The following NMUR2 variants were observed in gnomAD, a reference collection of about 807,000 sequenced individuals.
NMUR2 encodes neuromedin-U receptor 2.
NMUR2 carries 24 observed loss-of-function variants against 25.1 expected under a neutral mutation model. The ratio of observed to expected loss-of-function variants is 0.96; its 90% CI spans 0.69 to 1.34. The LOEUF (loss-of-function observed/expected upper bound fraction) is 1.34. Among genes scored for constraint, NMUR2 ranks in the 40% most tolerant of loss-of-function variants. The probability of loss-of-function intolerance (pLI) is 0.00; values close to 1 mark genes in which losing one functional copy is unlikely to be tolerated. For synonymous variants in NMUR2, 218 were observed against 208.1 expected (o/e 1.05, Z -0.41); for missense variants, 533 against 512.8 (o/e 1.04, Z -0.38).
At chr5:152,396,945 C>A (rs1463884787) in intron 2 of NMUR2, among the ~76,000 whole-genome samples, 3 of 151,232 alleles carry the variant, frequency 2.0e-5, no homozygotes, top group Non-Finnish European at 2.9e-5. Context: ...TAAAGTTGAA[C>A]CCCATCCCAA....
At position 152,404,843 on chromosome 5, in the gene NMUR2, C is replaced by G. The variant is rs1753327121; in HGVS notation, c.271G>C (p.Asp91His). The G allele has an allele frequency of 1.9e-6, 3 of 1,613,946 alleles. No homozygotes were observed. The highest frequency in any genetic ancestry group is 2.5e-6 in the Non-Finnish European group (3 of 1,180,022). Residue 91 changes from aspartate (D) to histidine (H), a missense_variant, in exon 1 of 4, where the codon GAC becomes CAC. Coordinates refer to ENST00000255262, the MANE Select transcript of NMUR2 (RefSeq NM_020167.5). ...NYYLFSLAVSDLLVLLLGMPL... is the reference protein window; with the variant it reads ...NYYLFSLAVSHLLVLLLGMPL... ...ATTCCAAGGAGCAGGACCAGGAGGT[C>G]AGAGACCGCCAGGCTGAAGAGGTAG...
At chr5:152,393,785 C>T (rs1753100709) in intron 3 of NMUR2, among the ~76,000 whole-genome samples, 1 of 152,056 alleles carries the variant, frequency 6.6e-6, no homozygotes, top group South Asian at 2.1e-4. Context: ...GAACTCTAGC[C>T]AGGCCTCAAA....
chr5:152,395,866 T>C (rs895155989), intron 2 of NMUR2, among the ~76,000 whole-genome samples: 6 of 152,234 alleles, frequency 3.9e-5, no homozygotes, highest in Non-Finnish European at 8.8e-5. Context: ...ATTTAATTTA[T>C]TTCAAAGTCC....
intron 1 of NMUR2, among the ~76,000 whole-genome samples, chr5:152,400,590 C>G (rs946631876): frequency 6.6e-6 from 1 of 152,134 alleles, no homozygotes; most frequent in Non-Finnish European, 1.5e-5. Context: ...GGCAGATATG[C>G]TGAGAAGAAA....
rs769998163 is a variant in NMUR2, at chr5:152,397,012, GTT to G, written c.811+1046_811+1047del. Among the ~76,000 whole-genome samples the G allele has an allele frequency of 9.8e-3, 1,033 of 105,706 alleles. 13 individuals are homozygous for G. Among genetic ancestry groups the G allele is most frequent in the African/African-American group, 0.031 (979 of 32,092 alleles). The allele number at this position is 105,706 out of a possible 152,430, so 69.3% of individuals were successfully genotyped here. On this transcript the variant is annotated intron_variant, in intron 2 of 3. Coordinates refer to ENST00000255262, the MANE Select transcript of NMUR2 (RefSeq NM_020167.5). ...TGACTTTAATATGAGTGAGCTTCAT[GTT>G]TTTTTTTTTTTTTTTTTGTGAGAGT...
intron 3 of NMUR2, among the ~76,000 whole-genome samples, chr5:152,394,056 G>A (rs186771508): frequency 9.2e-5 from 14 of 152,140 alleles, no homozygotes; most frequent in Admixed American, 7.9e-4. Flanking sequence ...GGGGGAGATG[G>A]TATCTGAACA....
Position 152,392,011 on chromosome 5 carries a change from G to A in NMUR2, c.*180C>T. 1 of 572,502 alleles carries A rather than the reference G, an allele frequency of 1.7e-6. No individual in the cohort carries two copies. The highest frequency in any genetic ancestry group is 3.1e-6 in the Non-Finnish European group (1 of 326,868). The allele number at this position is 572,502 out of a possible 1,614,324, so 35.5% of individuals were successfully genotyped here. On this transcript the variant is annotated 3_prime_UTR_variant, in exon 4 of 4. Coordinates refer to ENST00000255262, the MANE Select transcript of NMUR2 (RefSeq NM_020167.5). ...AGATAACTAAAAATCAGGCAGTCTT[G>A]GGTTTTGAAACCAGATCTAACTCTC...
At position 152,404,678 on chromosome 5, in the gene NMUR2, C is replaced by G. The variant is rs530506474; in HGVS notation, c.436G>C (p.Val146Leu). ...GCGCGGAACGGGTGTAGGATGGCCA[C>G]GTAGCGCTCCACGCTGACGGTGGTG... ...SITTVSVERY[V>L]AILHPFRAKL... The change falls in exon 1 of 4, where the codon GTG (valine) becomes CTG (leucine). Residue 146 changes from valine (V) to leucine (L), a missense_variant. Transcript: ENST00000255262. 12 of 1,614,070 alleles carry G rather than the reference C, an allele frequency of 7.4e-6. No individual in the cohort carries two copies. The Admixed American group carries it at 1.2e-4, about 16-fold the overall frequency.
intron 1 of NMUR2, among the ~76,000 whole-genome samples, chr5:152,404,087 G>T (rs996916216): frequency 6.6e-6 from 1 of 152,170 alleles, no homozygotes; most frequent in South Asian, 2.1e-4. Context: ...GGTGAGGTAT[G>T]CATATTGCTC....
chr5:152,392,408 G>A lies in NMUR2; in HGVS notation c.1031C>T (p.Ser344Phe). 6.2e-7 allele frequency: 1 copy of A among 1,614,094 alleles called. No homozygotes were observed. The highest frequency in any genetic ancestry group is 8.5e-7 in the Non-Finnish European group (1 of 1,179,968). The change falls in exon 4 of 4, where the codon TCT becomes TTT. Residue 344 changes from serine (S) to phenylalanine (F), a missense_variant. Transcript: ENST00000255262. ...FQAAFQNVIS[S>F]FHKQWHSQHD... ...CTGGGAGTGCCACTGTTTGTGGAAA[G>A]AAGAGATCACATTCTGGAATGCTGC...
intron 1 of NMUR2, among the ~76,000 whole-genome samples, chr5:152,398,467 G>A (rs541974364): frequency 1.3e-5 from 2 of 152,064 alleles, no homozygotes; most frequent in Non-Finnish European, 2.9e-5. Context: ...AGTTAGAAAG[G>A]CTTCTCAATT....
chr5:152,404,000 A>C (rs1753302985), intron 1 of NMUR2, among the ~76,000 whole-genome samples: 1 of 152,024 alleles, frequency 6.6e-6, no homozygotes, highest in Non-Finnish European at 1.5e-5. Flanking sequence ...AAGTGTGGCC[A>C]CCTCACCCCA....
chr5:152,392,822 C>T (rs1237851004), intron 3 of NMUR2, among the ~76,000 whole-genome samples: 1 of 152,098 alleles, frequency 6.6e-6, no homozygotes, highest in Non-Finnish European at 1.5e-5. Context: ...CTGAAAGATG[C>T]TTAAATATCA....
At chr5:152,403,184 A>G (rs1469972856) in intron 1 of NMUR2, among the ~76,000 whole-genome samples, 1 of 152,194 alleles carries the variant, frequency 6.6e-6, no homozygotes, top group African/African-American at 2.4e-5. Context: ...TTAGAGCTAC[A>G]GGGGACATAG....
At chr5:152,397,012 G>GT (rs769998163) in intron 2 of NMUR2, among the ~76,000 whole-genome samples, 10,373 of 105,638 alleles carry the variant, frequency 0.098, 990 homozygotes, top group African/African-American at 0.16. Context: ...TGAGCTTCAT[G>GT]TTTTTTTTTT....
chr5:152,395,197 C>A (rs1224138855), intron 3 of NMUR2, among the ~76,000 whole-genome samples: 1 of 152,118 alleles, frequency 6.6e-6, no homozygotes, highest in African/African-American at 2.4e-5. Flanking sequence ...GGAATCACTC[C>A]TTGACCATTT....
intron 2 of NMUR2, 146 bp downstream of exon 2, chr5:152,397,914 C>T: frequency 1.7e-6 from 1 of 585,148 alleles, no homozygotes; most frequent in Non-Finnish European, 3.0e-6. Context: ...TATCTCTCCC[C>T]TTTGCTCCTT....
intron 3 of NMUR2, among the ~76,000 whole-genome samples, chr5:152,395,031 G>A (rs1753125588): frequency 6.6e-6 from 1 of 152,036 alleles, no homozygotes; most frequent in African/African-American, 2.4e-5. Context: ...CAGAGTTACA[G>A]TAGCCTAAAA....
chr5:152,405,230 A>G lies in NMUR2; in HGVS notation c.-117T>C. On this transcript the variant is annotated 5_prime_UTR_variant, in exon 1 of 4. Transcript: ENST00000255262. Reference sequence around the variant, plus strand: ...AAGAGAAAGCAGTCACGAAAGTCACAGGCTTCGTAAGGAAGGCTGGGAGAG... The same window carrying G: ...AAGAGAAAGCAGTCACGAAAGTCACGGGCTTCGTAAGGAAGGCTGGGAGAG... 1 of 1,212,232 alleles carries G rather than the reference A, an allele frequency of 8.2e-7. No individual in the cohort carries two copies. Among genetic ancestry groups the G allele is most frequent in the Non-Finnish European group, 1.1e-6 (1 of 880,312 alleles). 75.1% of individuals were successfully genotyped at this position (1,212,232 alleles called of 1,614,324 possible). A position where few individuals can be genotyped will look rare whatever the true frequency, so the allele number is the denominator to read the frequency against.
Sources: gnomAD v4.1 joint callset for allele counts (sites outside exome capture counted in the v4.1 genomes callset) on GRCh38, gnomAD v4.1.1 for gene constraint, MANE v1.5 for transcripts, NCBI Gene and HGNC (gene_info 2026-07-23, HGNC 2026-07-21) for gene names.